The following RAD51B variants were observed in gnomAD, a reference collection of about 807,000 sequenced individuals.
The protein encoded by RAD51B is DNA repair protein RAD51 homolog 2.
RAD51B carries 38 observed loss-of-function variants against 42.2 expected under a neutral mutation model. That is an observed-to-expected ratio of 0.90 (90% CI 0.70 to 1.18). The LOEUF is 1.18. RAD51B is among the 50% of genes most tolerant of loss of function. RAD51B has a pLI of 0.00. For missense variants in RAD51B, 373 were observed against 400.7 expected (o/e 0.93, Z 0.59); for synonymous variants, 154 against 145.2 (o/e 1.06, Z -0.43).
intron 7 of RAD51B, among the ~76,000 whole-genome samples, chr14:67,935,141 A>G (rs898451785): frequency 3.9e-5 from 6 of 152,224 alleles, no homozygotes; most frequent in African/African-American, 1.4e-4. Context: ...CTGACTAATT[A>G]TAGTGTACTT....
At chr14:68,255,843 C>G (rs1353252433) in intron 7 of RAD51B, among the ~76,000 whole-genome samples, 1 of 152,152 alleles carries the variant, frequency 6.6e-6, no homozygotes, top group Non-Finnish European at 1.5e-5. Flanking sequence ...GCTCGTCTTA[C>G]AGCTAATATA....
intron 9 of RAD51B, among the ~76,000 whole-genome samples, chr14:68,462,348 T>A (rs1211436768): frequency 6.6e-6 from 1 of 152,200 alleles, no homozygotes; most frequent in Non-Finnish European, 1.5e-5. Flanking sequence ...GACCTCTCTG[T>A]CTTATTCCCT....
intron 7 of RAD51B, among the ~76,000 whole-genome samples, chr14:68,157,730 CTA>C (rs2078543812): frequency 6.6e-6 from 1 of 152,096 alleles, no homozygotes; most frequent in Admixed American, 6.6e-5. Flanking sequence ...CAATAACAAA[CTA>C]TTATTTTTTT....
At chr14:68,272,970 C>T (rs937013126) in intron 7 of RAD51B, among the ~76,000 whole-genome samples, 6 of 151,758 alleles carry the variant, frequency 4.0e-5, no homozygotes, top group African/African-American at 1.5e-4. Context: ...AGGCGTGAGC[C>T]ACTGCGCCTG....
intron 10 of RAD51B, among the ~76,000 whole-genome samples, chr14:68,566,656 AC>A (rs768212971): frequency 1.3e-5 from 2 of 150,092 alleles, no homozygotes; most frequent in South Asian, 2.1e-4. Context: ...GCTGGGAGAA[AC>A]CCCCCCGGTG....
chr14:68,592,253 A>ATGTGTGTGTGTG (rs55833641), intron 10 of RAD51B, among the ~76,000 whole-genome samples: 3 of 139,956 alleles, frequency 2.1e-5, no homozygotes, highest in Non-Finnish European at 3.0e-5. Context: ...GTAGGCAATG[A>ATGTGTGTGTGTG]TGTGTGTGTG....
intron 8 of RAD51B, among the ~76,000 whole-genome samples, chr14:68,332,760 T>C (rs2082375914): frequency 6.6e-6 from 1 of 152,246 alleles, no homozygotes; most frequent in Non-Finnish European, 1.5e-5. Context: ...GAAATAAATA[T>C]CTTTTTCTTA....
At chr14:68,494,619 G>T (rs1218019541) in intron 10 of RAD51B, among the ~76,000 whole-genome samples, 1 of 152,064 alleles carries the variant, frequency 6.6e-6, no homozygotes, top group African/African-American at 2.4e-5. Context: ...TGCCTTTGAT[G>T]ATCTTTGTTT....
chr14:68,202,724 A>G (rs1004406786), intron 7 of RAD51B, among the ~76,000 whole-genome samples: 30 of 151,818 alleles, frequency 2.0e-4, no homozygotes, highest in African/African-American at 7.3e-4. Context: ...CTGGGATTAC[A>G]GGTGTGTGCC....
intron 8 of RAD51B, among the ~76,000 whole-genome samples, chr14:68,311,606 G>C (rs1056404442): frequency 2.0e-5 from 3 of 152,194 alleles, no homozygotes; most frequent in African/African-American, 7.2e-5. Flanking sequence ...GAAGGTAACT[G>C]GGCCAGGTGT....
chr14:68,456,373 T>C (rs955090486), intron 9 of RAD51B, among the ~76,000 whole-genome samples: 1 of 151,968 alleles, frequency 6.6e-6, no homozygotes, highest in Non-Finnish European at 1.5e-5. Context: ...CACAAATAGG[T>C]TGAAAGTAAA....
Position 67,847,517 on chromosome 14 carries a change from C to A in RAD51B, c.315+12321C>A, listed in dbSNP as rs191309818. 8.8e-3 allele frequency among the ~76,000 whole-genome samples: 1,332 copies of A among 151,968 alleles called. 8 individuals are homozygous for A. The highest frequency in any genetic ancestry group is 0.014 in the Non-Finnish European group (981 of 67,962). On this transcript the variant is annotated intron_variant, in intron 4 of 10. Coordinates refer to ENST00000471583, the MANE Select transcript of RAD51B (RefSeq NM_133510.4). ...TTAATATCAAATAATTTTTTGACTT[C>A]CGCCTTAATTTCTTGTTCACCCAGG...
intron 9 of RAD51B, among the ~76,000 whole-genome samples, chr14:68,441,444 A>C (rs1221704175): frequency 7.4e-6 from 1 of 135,122 alleles, no homozygotes; most frequent in Non-Finnish European, 1.6e-5. Context: ...CGGGAAGCTG[A>C]GGCAGGAGAA....
intron 7 of RAD51B, among the ~76,000 whole-genome samples, chr14:68,279,742 T>A (rs2081286568): frequency 6.6e-6 from 1 of 152,224 alleles, no homozygotes; most frequent in Admixed American, 6.5e-5. Context: ...CAAATATCAT[T>A]TCAAATAGGA....
At chr14:68,664,695 G>C (rs1167302531) in intron 11 of RAD51B, among the ~76,000 whole-genome samples, 1 of 152,038 alleles carries the variant, frequency 6.6e-6, no homozygotes, top group Non-Finnish European at 1.5e-5. Flanking sequence ...GATCACATTG[G>C]GTTCATATGT....
intron 9 of RAD51B, among the ~76,000 whole-genome samples, chr14:68,429,793 T>C (rs2084952648): frequency 6.6e-6 from 1 of 151,032 alleles, no homozygotes; most frequent in Non-Finnish European, 1.5e-5. Flanking sequence ...TGGCCCTTGC[T>C]TTTGGTTTTT....
At chr14:68,682,996 C>A in intron 11 of RAD51B, 1 of 978,964 alleles carries the variant, frequency 1.0e-6, no homozygotes, top group Non-Finnish European at 1.2e-6. Flanking sequence ...CTCCATTAGT[C>A]ACGCAGCAGC....
chr14:68,419,452 A>G (rs1330123157), intron 9 of RAD51B, among the ~76,000 whole-genome samples: 1 of 151,956 alleles, frequency 6.6e-6, no homozygotes, highest in Non-Finnish European at 1.5e-5. Flanking sequence ...TTTAAGCACC[A>G]TCTCACCCCA....
intron 8 of RAD51B, among the ~76,000 whole-genome samples, chr14:68,387,548 G>A (rs2083623895): frequency 6.6e-6 from 1 of 152,152 alleles, no homozygotes; most frequent in Non-Finnish European, 1.5e-5. Context: ...GAACTCACAG[G>A]CATGTTTTCT....
Sources: gnomAD v4.1 joint callset for allele counts (sites outside exome capture counted in the v4.1 genomes callset) on GRCh38, gnomAD v4.1.1 for gene constraint, MANE v1.5 for transcripts, NCBI Gene and HGNC (gene_info 2026-07-23, HGNC 2026-07-21) for gene names.